GPR137: variants seen among roughly 807,000 people sequenced by gnomAD.
The protein encoded by GPR137 is integral membrane protein GPR137.
A neutral mutation model predicts 38.9 loss-of-function variants in GPR137; 20 were observed. The ratio of observed to expected loss-of-function variants is 0.51; its 90% confidence interval spans 0.36 to 0.75. The LOEUF is 0.75. GPR137 is among the 30% of genes least tolerant of loss of function. GPR137 has a pLI of 0.00. For synonymous variants in GPR137, 226 were observed against 235.8 expected, an observed-to-expected ratio of 0.96 and a Z score of 0.38; for missense variants, 456 against 526.4, an observed-to-expected ratio of 0.87 and a Z score of 1.31.
chr11:64,273,035 A>T (rs2032756439), upstream of GPR137, among the ~76,000 whole-genome samples: 1 of 151,888 alleles, frequency 6.6e-6, no homozygotes, highest in African/African-American at 2.4e-5. Flanking sequence ...AGACCAGCCT[A>T]GGCAACATTG....
Position 64,288,642 on chromosome 11 carries a change from C to A in GPR137, c.952C>A (p.Arg318=). The part of the protein sequence containing the change: ...HILNGQVFAS[R]SYFFDRAGHC... ...CCTCAATGGGCAGGTCTTTGCCTCT[C>A]GGTCCTACTTCTTTGACCGGGCTGG... Residue 318 remains arginine (R), a synonymous_variant, in exon 6 of 7, where the codon CGG becomes AGG. Coordinates refer to ENST00000438980, the MANE Select transcript of GPR137 (RefSeq NM_001170880.2). This position sits in a 1 kb window ranked among gnomAD's most constrained non-coding sequence, Gnocchi z 5.5. 6.2e-7 allele frequency: 1 copy of A among 1,610,740 alleles called. No individual in the cohort carries two copies. Among genetic ancestry groups the A allele is most frequent in the East Asian group, 2.2e-5 (1 of 44,808 alleles).
At position 64,286,620 on chromosome 11, in the gene GPR137, C is replaced by T. The variant is rs773157515; in HGVS notation, c.96C>T (p.Thr32=). ...TGGGGCTGACAGCTGCCTACACCAC[C>T]CTGTATGCCCTGCTCTTCTTCTCCG... The part of the protein sequence containing the change: ...VTLGLTAAYT[T]LYALLFFSVY... Residue 32 remains threonine (T), a synonymous_variant, in exon 1 of 7, where the codon ACC becomes ACT. Coordinates refer to ENST00000438980, the MANE Select transcript of GPR137 (RefSeq NM_001170880.2). 6.2e-7 allele frequency: 1 copy of T among 1,614,054 alleles called. No homozygotes were observed. Among genetic ancestry groups the T allele is most frequent in the Non-Finnish European group, 8.5e-7 (1 of 1,179,970 alleles).
intron 2 of GPR137, among the ~76,000 whole-genome samples, chr11:64,276,601 A>T (rs971162561): frequency 2.6e-5 from 4 of 152,252 alleles, no homozygotes; most frequent in African/African-American, 9.6e-5. Flanking sequence ...TGCTGGGATT[A>T]CAGGCGTGAG....
chr11:64,271,820 G>T (rs746653543), upstream of GPR137: 26 of 1,378,612 alleles, frequency 1.9e-5, no homozygotes, highest in Admixed American at 2.2e-4. Flanking sequence ...AGGGTCAGTG[G>T]GTAGGGGGGC....
In GPR137 at chr11:64,288,160, C is replaced by T; in HGVS notation, c.729C>T (p.Ala243=). 1 of 1,613,082 alleles carries T rather than the reference C, an allele frequency of 6.2e-7. No individual in the cohort carries two copies. Among genetic ancestry groups the T allele is most frequent in the South Asian group, 1.1e-5 (1 of 91,082 alleles). Residue 243 remains alanine (A), a synonymous_variant, in exon 4 of 7, where the codon GCC becomes GCT. Coordinates refer to ENST00000438980, the MANE Select transcript of GPR137 (RefSeq NM_001170880.2). This position sits in a 1 kb window ranked among gnomAD's most constrained non-coding sequence, Gnocchi z 5.5. ...ACYNLTALAL[A]PQSRLDTFDY... is the part of the protein sequence containing the mutation. ...ACAACCTGACAGCACTGGCCTTGGC[C>T]CCCCAGAGCCGGCTGGACACCTTCG...
chr11:64,279,554 C>A (rs548545284), upstream of GPR137, among the ~76,000 whole-genome samples: 140 of 151,836 alleles, frequency 9.2e-4, no homozygotes, highest in African/African-American at 3.2e-3. Context: ...ATCACGAGGT[C>A]AGGAATTCGA....
At chr11:64,284,131 A>T (rs1211694349), upstream of GPR137, 2 of 1,514,540 alleles carry the variant, frequency 1.3e-6, no homozygotes, top group South Asian at 2.6e-5. Context: ...GCAGGGAGCC[A>T]GTGGGCTGGG....
upstream of GPR137, among the ~76,000 whole-genome samples, chr11:64,281,709 T>C (rs934048362): frequency 1.3e-5 from 2 of 152,174 alleles, no homozygotes; most frequent in African/African-American, 2.4e-5. Context: ...CCCCCGCCCC[T>C]GTGACTCCGG....
chr11:64,275,285 A>T (rs1374314824), upstream of GPR137, among the ~76,000 whole-genome samples: 1 of 151,970 alleles, frequency 6.6e-6, no homozygotes, highest in Non-Finnish European at 1.5e-5. Context: ...GGGGCAGGAG[A>T]GCCGGGAACA....
At chr11:64,273,705 C>G (rs980743852), upstream of GPR137, among the ~76,000 whole-genome samples, 1 of 151,706 alleles carries the variant, frequency 6.6e-6, no homozygotes, top group African/African-American at 2.4e-5. Flanking sequence ...GATGGTAAAA[C>G]CCCGTCTCTA....
upstream of GPR137, among the ~76,000 whole-genome samples, chr11:64,272,538 G>A (rs573725070): frequency 3.9e-5 from 6 of 152,176 alleles, no homozygotes; most frequent in Admixed American, 2.0e-4. Context: ...CTACATGTCC[G>A]CATCCCCCAC....
At chr11:64,279,736 C>G (rs2033309277), upstream of GPR137, among the ~76,000 whole-genome samples, 1 of 144,090 alleles carries the variant, frequency 6.9e-6, no homozygotes. Context: ...GCACTCCAGC[C>G]TGGGTGACAG....
upstream of GPR137, chr11:64,284,039 T>C: frequency 1.0e-6 from 1 of 956,226 alleles, no homozygotes; most frequent in Non-Finnish European, 1.5e-6. Context: ...TATTAATTGC[T>C]GTTTTACGAA....
chr11:64,274,413 G>A (rs998566437), upstream of GPR137, among the ~76,000 whole-genome samples: 2 of 151,432 alleles, frequency 1.3e-5, no homozygotes, highest in Non-Finnish European at 2.9e-5. Flanking sequence ...GCAAGTAGGC[G>A]CAGTGGCTCA....
At chr11:64,280,236 C>T (rs939698391), upstream of GPR137, among the ~76,000 whole-genome samples, 81 of 150,164 alleles carry the variant, frequency 5.4e-4, 1 homozygote, top group African/African-American at 6.6e-4. Context: ...AGGAGAATGG[C>T]GTGAACCCGG....
chr11:64,285,803 TGCGTAGCGAACGGCGCCCGCGCAGGC>T, upstream of GPR137: 6 of 985,200 alleles, frequency 6.1e-6, no homozygotes, highest in Non-Finnish European at 7.2e-6. Flanking sequence ...CTGCGCAATT[TGCGTAGCGAACGGCGCCCGCGCAGGC>T]GCGGAGGGGG....
chr11:64,282,988 G>T (rs573477088), upstream of GPR137, among the ~76,000 whole-genome samples: 81 of 149,718 alleles, frequency 5.4e-4, no homozygotes, highest in Non-Finnish European at 9.3e-4. Flanking sequence ...CAGAAGTTCC[G>T]GGCTGCAGTG....
chr11:64,282,894 A>AG (rs1160715193), upstream of GPR137, among the ~76,000 whole-genome samples: 1 of 151,184 alleles, frequency 6.6e-6, no homozygotes, highest in African/African-American at 2.4e-5. Flanking sequence ...AAAAAAAAAA[A>AG]AAAAAAGAAA....
intron 2 of GPR137, chr11:64,277,120 CAG>C: frequency 1.5e-6 from 1 of 645,580 alleles, no homozygotes; most frequent in Non-Finnish European, 2.9e-6. Flanking sequence ...TTAATTAAAA[CAG>C]TGGTGTTCCA....
Sources: allele counts gnomAD v4.1 joint callset (sites outside exome capture counted in the v4.1 genomes callset), GRCh38; gene constraint gnomAD v4.1.1; non-coding constraint Gnocchi (gnomAD v3.1); transcripts MANE v1.5; gene names NCBI Gene and HGNC (gene_info 2026-07-23, HGNC 2026-07-21).